The following PLXDC2 variants were observed in gnomAD, a reference collection of about 807,000 sequenced individuals.
PLXDC2 encodes the protein plexin domain containing 2.
PLXDC2 carries 40 observed loss-of-function variants against 68.9 expected under a neutral mutation model. The ratio of observed to expected loss-of-function variants is 0.58; its 90% CI spans 0.45 to 0.76. The LOEUF is 0.76. Ranked by LOEUF, PLXDC2 falls within the 30% of genes least tolerant of loss-of-function variation. The probability of loss-of-function intolerance (pLI) is 0.00; values close to 1 mark genes in which losing one functional copy is unlikely to be tolerated. For missense variants in PLXDC2, 644 were observed against 661.9 expected (o/e 0.97, Z 0.30); for synonymous variants, 243 against 234.2 (o/e 1.04, Z -0.34).
chr10:19,933,274 G>A (rs530144131), intron 1 of PLXDC2, among the ~76,000 whole-genome samples: 2 of 152,230 alleles, frequency 1.3e-5, no homozygotes, highest in African/African-American at 2.4e-5. Context: ...ATCATTTACT[G>A]TGGAAATAGA....
intron 1 of PLXDC2, among the ~76,000 whole-genome samples, chr10:19,986,392 G>A (rs1207929643): frequency 6.6e-6 from 1 of 151,804 alleles, no homozygotes; most frequent in African/African-American, 2.4e-5. Context: ...CCAATAACAG[G>A]TTAACAAATT....
chr10:19,925,274 C>T (rs751740645), intron 1 of PLXDC2, among the ~76,000 whole-genome samples: 10 of 152,148 alleles, frequency 6.6e-5, no homozygotes, highest in Non-Finnish European at 1.0e-4. Flanking sequence ...GAATTTATCA[C>T]CTGGCATGCA....
At chr10:19,878,776 C>T (rs1033933164) in intron 1 of PLXDC2, among the ~76,000 whole-genome samples, 7 of 152,162 alleles carry the variant, frequency 4.6e-5, no homozygotes, top group African/African-American at 1.7e-4. Flanking sequence ...TAACACTTTT[C>T]AGCTTCAAAT....
At chr10:19,834,475 C>G (rs188068882) in intron 1 of PLXDC2, among the ~76,000 whole-genome samples, 7 of 151,994 alleles carry the variant, frequency 4.6e-5, no homozygotes, top group African/African-American at 1.4e-4. Flanking sequence ...CTCTGAGGAC[C>G]GAATCAATAT....
intron 1 of PLXDC2, among the ~76,000 whole-genome samples, chr10:19,965,343 T>G (rs1006860680): frequency 2.0e-5 from 3 of 152,186 alleles, no homozygotes; most frequent in Admixed American, 1.3e-4. Context: ...CTGGATAATT[T>G]TGAATAATTG....
intron 9 of PLXDC2, among the ~76,000 whole-genome samples, chr10:20,180,699 T>G (rs1834591982): frequency 6.6e-6 from 1 of 152,086 alleles, no homozygotes; most frequent in African/African-American, 2.4e-5. Flanking sequence ...GTTTATTTCA[T>G]TTAATTTCCA....
rs549121480 is a variant in PLXDC2, at chr10:19,856,069, T to TG, written c.112+38881dup. On this transcript the variant is annotated intron_variant, in intron 1 of 13. Coordinates refer to ENST00000377252, the MANE Select transcript of PLXDC2 (RefSeq NM_032812.9). ...AAGATCGTGCCACTGCACTCCAGGC[T>TG]GGGTGATAGAGTAAGACTCTGTCTC... Among the ~76,000 whole-genome samples, 27 of 152,304 alleles carry TG rather than the reference T, an allele frequency of 1.8e-4. No individual in the cohort carries two copies. In the East Asian group the frequency reaches 4.2e-3, roughly 24 times the overall value.
intron 13 of PLXDC2, among the ~76,000 whole-genome samples, chr10:20,247,233 A>G (rs1835608738): frequency 6.6e-6 from 1 of 151,224 alleles, no homozygotes; most frequent in African/African-American, 2.4e-5. Flanking sequence ...GCTGAGGCAG[A>G]CAGATTGCTT....
Position 19,826,013 on chromosome 10 carries a change from G to A in PLXDC2, c.112+8822G>A, listed in dbSNP as rs967693146. On this transcript the variant is annotated intron_variant, in intron 1 of 13. Transcript: ENST00000377252. ...TTTTCTCTTCAATTCATTGAAAAAT[G>A]TCTATATATAAATTACATAAATGCA... 2.6e-5 allele frequency among the ~76,000 whole-genome samples: 4 copies of A among 152,112 alleles called. No homozygotes were observed. The East Asian group carries it at 7.7e-4, about 29-fold the overall frequency.
intron 9 of PLXDC2, among the ~76,000 whole-genome samples, chr10:20,190,446 A>T (rs1019380396): frequency 6.8e-5 from 10 of 147,218 alleles, no homozygotes; most frequent in Non-Finnish European, 1.1e-4. Context: ...AACAAAAGGC[A>T]AAGCTCACAG....
At chr10:19,916,986 T>G (rs1833379436) in intron 1 of PLXDC2, among the ~76,000 whole-genome samples, 3 of 152,302 alleles carry the variant, frequency 2.0e-5, no homozygotes, top group Admixed American at 2.0e-4. Context: ...ATGAAAGTAT[T>G]ATGAAAAGAG....
chr10:20,177,446 A>G (rs1200782530), intron 9 of PLXDC2, 37 bp downstream of exon 9: 4 of 1,067,254 alleles, frequency 3.7e-6, no homozygotes, highest in Non-Finnish European at 5.0e-6. Flanking sequence ...ATAAAATTTA[A>G]AAAGATATTT....
chr10:20,157,240 T>C (rs1257896287), intron 6 of PLXDC2, among the ~76,000 whole-genome samples: 1 of 152,224 alleles, frequency 6.6e-6, no homozygotes, highest in Non-Finnish European at 1.5e-5. Context: ...TTGTTGTTGC[T>C]GTTGTTTTTA....
At chr10:19,838,469 T>C (rs1275073340) in intron 1 of PLXDC2, among the ~76,000 whole-genome samples, 2 of 152,204 alleles carry the variant, frequency 1.3e-5, no homozygotes, top group African/African-American at 4.8e-5. Flanking sequence ...TCAGAGCAAT[T>C]TAAGTCCAAG....
intron 1 of PLXDC2, among the ~76,000 whole-genome samples, chr10:19,970,733 C>T (rs1409398006): frequency 1.3e-5 from 2 of 152,166 alleles, no homozygotes; most frequent in Admixed American, 1.3e-4. Flanking sequence ...CCCAGGTATA[C>T]TGCCATGGTT....
intron 4 of PLXDC2, among the ~76,000 whole-genome samples, chr10:20,086,717 A>C (rs1372681740): frequency 6.6e-6 from 1 of 152,180 alleles, no homozygotes; most frequent in Non-Finnish European, 1.5e-5. Context: ...GGATTCAAAG[A>C]GACAGCATCT....
At chr10:19,918,797 G>A (rs935421161) in intron 1 of PLXDC2, among the ~76,000 whole-genome samples, 1 of 152,210 alleles carries the variant, frequency 6.6e-6, no homozygotes, top group African/African-American at 2.4e-5. Context: ...TTTCTTAAAA[G>A]GACATGGATG....
chr10:19,918,884 A>G (rs974715081), intron 1 of PLXDC2, among the ~76,000 whole-genome samples: 2 of 152,216 alleles, frequency 1.3e-5, no homozygotes, highest in Non-Finnish European at 2.9e-5. Context: ...TTCATCATGT[A>G]TGGAGTGCAA....
At chr10:19,845,576 C>T (rs1376793412) in intron 1 of PLXDC2, among the ~76,000 whole-genome samples, 1 of 152,050 alleles carries the variant, frequency 6.6e-6, no homozygotes, top group Non-Finnish European at 1.5e-5. Flanking sequence ...TTAGCTTTCC[C>T]CAGAAAATAA....
Sources: allele counts gnomAD v4.1 joint callset (sites outside exome capture counted in the v4.1 genomes callset), GRCh38; gene constraint gnomAD v4.1.1; transcripts MANE v1.5; gene names NCBI Gene and HGNC (gene_info 2026-07-23, HGNC 2026-07-21).